PFKM: variants seen among roughly 807,000 people sequenced by gnomAD.
The protein encoded by PFKM is ATP-dependent 6-phosphofructokinase, muscle type.
PFKM carries 58 observed loss-of-function variants against 95.5 expected under a neutral mutation model. The ratio of observed to expected loss-of-function variants is 0.61; its 90% confidence interval spans 0.49 to 0.76. PFKM has a LOEUF of 0.76. PFKM is among the 30% of genes least tolerant of loss of function. The pLI is 0.00. For missense variants in PFKM, 678 were observed against 1,005.4 expected (o/e 0.67, Z 4.40); for synonymous variants, 336 against 357.2 (o/e 0.94, Z 0.67).
intron 2 of PFKM, 75 bp from the exon 3 acceptor site, chr12:48,130,288 T>C (rs1949333111): frequency 1.1e-6 from 1 of 897,930 alleles, no homozygotes; most frequent in African/African-American, 1.6e-5. Flanking sequence ...TTTAGCCAAA[T>C]GTAATATCTC....
Position 48,144,113 on chromosome 12 carries a change from G to A in PFKM, c.1948G>A (p.Gly650Ser). The change falls in exon 20 of 23, where the codon GGC becomes AGC. Residue 650 changes from glycine (G) to serine (S), a missense_variant. Transcript: ENST00000359794. ...CAACCTGTACTCTGAGGAGGGGAAG[G>A]GCATCTTCGACAGCAGGAAGAATGT... ...IFNLYSEEGK[G>S]IFDSRKNVLG... 1.2e-6 allele frequency: 2 copies of A among 1,613,830 alleles called. No individual in the cohort carries two copies. Among genetic ancestry groups the A allele is most frequent in the Non-Finnish European group, 1.7e-6 (2 of 1,179,756 alleles).
chr12:48,122,415 G>A (rs1471734181), intron 1 of PFKM, among the ~76,000 whole-genome samples: 3 of 152,168 alleles, frequency 2.0e-5, no homozygotes, highest in Non-Finnish European at 2.9e-5. Context: ...GGGAGGGATC[G>A]TTGAGGCTAA....
At chr12:48,141,477 T>G in intron 15 of PFKM, 96 bp downstream of exon 15, 1 of 1,070,944 alleles carries the variant, frequency 9.3e-7, no homozygotes, top group Non-Finnish European at 1.5e-6. Context: ...AACCACCCTG[T>G]TGTCTGGGTC....
chr12:48,114,742 G>T (rs1487850912), upstream of PFKM, among the ~76,000 whole-genome samples: 1 of 152,138 alleles, frequency 6.6e-6, no homozygotes, highest in Non-Finnish European at 1.5e-5. Context: ...TGGATGTAAG[G>T]CACCTCAGAC....
At chr12:48,135,163 G>GAT in intron 9 of PFKM, 125 bp downstream of exon 9, 2 of 1,106,354 alleles carry the variant, frequency 1.8e-6, no homozygotes, top group Non-Finnish European at 2.8e-6. Context: ...CCCTGCCCCT[G>GAT]ATTGCCTCCC....
Position 48,119,398 on chromosome 12 carries a change from G to C in PFKM, c.-17G>C, listed in dbSNP as rs952485517. The C allele has an allele frequency of 5.2e-5, 51 of 985,862 alleles. No individual in the cohort carries two copies. The highest frequency in any genetic ancestry group is 1.4e-4 in the African/African-American group (8 of 57,230). The allele number at this position is 985,862 out of a possible 1,614,324, so 61.1% of individuals were successfully genotyped here. On this transcript the variant is annotated 5_prime_UTR_variant, in exon 1 of 23. Transcript: ENST00000359794. ...GAAAGCAGCGGCGGAGGAGAGCTAAGACTAAAAGGCAAGAGGGGCCATTGA... is the reference window on the plus strand; with the variant it reads ...GAAAGCAGCGGCGGAGGAGAGCTAACACTAAAAGGCAAGAGGGGCCATTGA...
At chr12:48,135,689 T>TA (rs1186091322) in intron 10 of PFKM, among the ~76,000 whole-genome samples, 1 of 152,212 alleles carries the variant, frequency 6.6e-6, no homozygotes, top group Non-Finnish European at 1.5e-5. Flanking sequence ...TTGTACAGAA[T>TA]AATACAGAGG....
At chr12:48,105,816 CTAACGGCCACCGGCGGCCACA>C, upstream of PFKM, 2 of 595,630 alleles carry the variant, frequency 3.4e-6, no homozygotes, top group Non-Finnish European at 6.0e-6. Flanking sequence ...CTCAGGTAGC[CTAACGGCCACCGGCGGCCACA>C]GCGCGGCCAC....
rs996622324 is a variant in PFKM, at chr12:48,130,401, A to G, written c.124A>G (p.Ile42Val). 9 of 1,613,716 alleles carry G rather than the reference A, an allele frequency of 5.6e-6. No homozygotes were observed. Among genetic ancestry groups the G allele is most frequent in the Non-Finnish European group, 7.6e-6 (9 of 1,179,774 alleles). ...AAVRAVVRVG[I>V]FTGARVFFVH... ...TGTCAGGGCTGTGGTTCGAGTTGGT[A>G]TCTTCACCGGTGCCCGTGTCTTCTT... Residue 42 changes from isoleucine to valine, a missense_variant, in exon 3 of 23, where the codon ATC (isoleucine) becomes GTC (valine). Transcript: ENST00000359794.
At chr12:48,131,463 A>T (rs1285247256) in intron 4 of PFKM, 70 bp downstream of exon 4, 1 of 1,085,342 alleles carries the variant, frequency 9.2e-7, no homozygotes, top group Admixed American at 1.7e-5. Context: ...TTTTGGGCTC[A>T]TGGTCTCCTA....
rs1285148920 is a variant in PFKM, at chr12:48,137,776, C to T, written c.992C>T (p.Thr331Ile). ...GCACTTTTGGAGGGGACCCCAGATACCCCAGCCTGTGTAGTGAGCCTCTCT... is the reference window on the plus strand; with the variant it reads ...GCACTTTTGGAGGGGACCCCAGATATCCCAGCCTGTGTAGTGAGCCTCTCT... ...VMALLEGTPD[T>I]PACVVSLSGN... Residue 331 changes from threonine to isoleucine, a missense_variant, in exon 11 of 23, where the codon ACC (threonine) becomes ATC (isoleucine). By Grantham distance (89) the Thr-to-Ile change is moderately conservative. Coordinates refer to ENST00000359794, the MANE Select transcript of PFKM (RefSeq NM_000289.6). 8 of 1,614,024 alleles carry T rather than the reference C, an allele frequency of 5.0e-6. No individual in the cohort carries two copies. Among genetic ancestry groups the T allele is most frequent in the Non-Finnish European group, 6.8e-6 (8 of 1,179,902 alleles).
intron 20 of PFKM, 85 bp downstream of exon 20, chr12:48,144,242 A>G: frequency 1.1e-6 from 1 of 909,356 alleles, no homozygotes; most frequent in South Asian, 1.3e-5. Flanking sequence ...TGAGGCTTCC[A>G]CTGGCCTTTT....
intron 3 of PFKM, among the ~76,000 whole-genome samples, chr12:48,109,303 TTTCC>T (rs887432323): frequency 6.1e-4 from 92 of 151,902 alleles, no homozygotes; most frequent in African/African-American, 1.6e-3. Flanking sequence ...CAGCTTTTCT[TTTCC>T]TTCCTTCCTT....
Position 48,145,869 on chromosome 12 carries a change from C to A in PFKM, c.*161C>A. On this transcript the variant is annotated 3_prime_UTR_variant, in exon 23 of 23. Coordinates refer to ENST00000359794, the MANE Select transcript of PFKM (RefSeq NM_000289.6). This position sits in a 1 kb window ranked among gnomAD's most constrained non-coding sequence, Gnocchi z 4.3. Reference sequence around the variant, plus strand: ...TCTGGCCAGGAGCTGGAGGAGCAGGCAGTGGGTGGGAGCTCCTTTTAGGTA... The same window carrying A: ...TCTGGCCAGGAGCTGGAGGAGCAGGAAGTGGGTGGGAGCTCCTTTTAGGTA... The A allele has an allele frequency of 1.4e-6, 1 of 714,822 alleles. No homozygotes were observed. The highest frequency in any genetic ancestry group is 1.8e-5 in the South Asian group (1 of 56,838). The allele number at this position is 714,822 out of a possible 1,614,324, so 44.3% of individuals were successfully genotyped here.
intron 10 of PFKM, among the ~76,000 whole-genome samples, chr12:48,135,962 C>T (rs918223868): frequency 6.6e-6 from 1 of 151,996 alleles, no homozygotes; most frequent in Non-Finnish European, 1.5e-5. Flanking sequence ...GACCTTGGCT[C>T]ACTGCACGCT....
rs58373242 is a variant in PFKM at position 48,119,492 on chromosome 12, A to G, written c.-9+86A>G. Reference sequence around the variant, plus strand: ...GGGCCGGGAGCAGGCGGTAGGGAGAACTGAAAGGAGCAGAAAGGAAAAGAA... The same window carrying G: ...GGGCCGGGAGCAGGCGGTAGGGAGAGCTGAAAGGAGCAGAAAGGAAAAGAA... On this transcript the variant is annotated intron_variant, in intron 1 of 22. Transcript: ENST00000359794. 8.3e-3 allele frequency: 6,406 copies of G among 769,508 alleles called. 324 individuals are homozygous for G. The African/African-American group carries it at 0.11, about 13-fold the overall frequency. 47.7% of individuals were successfully genotyped at this position (769,508 alleles called of 1,614,324 possible). A position where few individuals can be genotyped will look rare whatever the true frequency, so the allele number is the denominator to read the frequency against.
intron 2 of PFKM, 150 bp from the exon 3 acceptor site, chr12:48,130,213 A>G (rs1168715886): frequency 1.4e-6 from 1 of 720,282 alleles, no homozygotes; most frequent in Non-Finnish European, 2.6e-6. Context: ...GGAGGCCAGA[A>G]GACTTTGATG....
intron 11 of PFKM, among the ~76,000 whole-genome samples, chr12:48,138,200 A>T (rs1950268225): frequency 6.6e-6 from 1 of 152,194 alleles, no homozygotes; most frequent in Non-Finnish European, 1.5e-5. Context: ...AATATTATTA[A>T]ATTCTAGCTG....
chr12:48,108,581 G>A (rs974056080), intron 3 of PFKM, among the ~76,000 whole-genome samples: 2 of 152,142 alleles, frequency 1.3e-5, no homozygotes, highest in African/African-American at 4.8e-5. Context: ...GACTAAATGA[G>A]TTATTATTTT....
Sources: allele counts gnomAD v4.1 joint callset (sites outside exome capture counted in the v4.1 genomes callset), GRCh38; gene constraint gnomAD v4.1.1; non-coding constraint Gnocchi (gnomAD v3.1); transcripts MANE v1.5; gene names NCBI Gene and HGNC (gene_info 2026-07-23, HGNC 2026-07-21).